The following BLM variants were observed in gnomAD, a reference collection of about 807,000 sequenced individuals.
BLM encodes the protein recQ-like DNA helicase BLM.
BLM carries 95 observed loss-of-function variants against 135.3 expected under a neutral mutation model. The ratio of observed to expected loss-of-function variants is 0.70; its 90% CI spans 0.59 to 0.83. BLM has a LOEUF of 0.83. Among genes scored for constraint, BLM ranks in the 40% least tolerant of loss-of-function variants. The pLI is 0.00. For missense variants in BLM, 1,518 were observed against 1,663.9 expected (o/e 0.91, Z 1.53); for synonymous variants, 520 against 589.2 (o/e 0.88, Z 1.70).
At chr15:90,795,706 G>T (rs28385109) in intron 16 of BLM, among the ~76,000 whole-genome samples, 26,080 of 152,100 alleles carry the variant, frequency 0.17, 2,294 homozygotes, top group Non-Finnish European at 0.19. Context: ...TAAACAAAAT[G>T]AAAATCCCTG....
chr15:90,796,525 T>G (rs1275664878), intron 16 of BLM, among the ~76,000 whole-genome samples: 1 of 152,242 alleles, frequency 6.6e-6, no homozygotes, highest in African/African-American at 2.4e-5. Context: ...TCTAGTCATC[T>G]TCCATGGCTG....
chr15:90,811,364 C>T lies in BLM; in HGVS notation c.4034C>T (p.Ser1345Phe). 1 of 1,614,106 alleles carries T rather than the reference C, an allele frequency of 6.2e-7. No homozygotes were observed. The highest frequency in any genetic ancestry group is 8.5e-7 in the Non-Finnish European group (1 of 1,180,046). The change falls in exon 21 of 22, where the codon TCT becomes TTT. Residue 1345 changes from serine to phenylalanine, a missense_variant. By Grantham distance (155) the Ser-to-Phe change is radical. Around this residue, in one of 5 missense-constraint regions of BLM, gnomAD observed 153 missense variants for 173.4 expected, o/e 0.88. Coordinates refer to ENST00000355112, the MANE Select transcript of BLM (RefSeq NM_000057.4). ...AAAAAGATGCCAGCCTCCCAAAGGT[C>T]TAAGAGGAGAAAAACTGCTTCCAGT... ...KRKKMPASQR[S>F]KRRKTASSGS...
intron 1 of BLM, among the ~76,000 whole-genome samples, chr15:90,732,075 C>A (rs1334146199): frequency 6.6e-6 from 1 of 152,098 alleles, no homozygotes; most frequent in African/African-American, 2.4e-5. Context: ...TAATTAGGGT[C>A]ATCCATTTTC....
intron 15 of BLM, among the ~76,000 whole-genome samples, chr15:90,793,552 T>A (rs969292737): frequency 6.6e-6 from 1 of 152,230 alleles, no homozygotes; most frequent in African/African-American, 2.4e-5. Flanking sequence ...ATTGATTTTC[T>A]TGAGATACTT....
chr15:90,811,161 C>G, intron 20 of BLM, 44 bp from the exon 21 acceptor site: 1 of 1,599,694 alleles, frequency 6.3e-7, no homozygotes, highest in Non-Finnish European at 8.6e-7. Context: ...AACACGTGGA[C>G]CAGTGCGACA....
At chr15:90,738,376 C>T (rs898660100) in intron 1 of BLM, among the ~76,000 whole-genome samples, 13 of 152,086 alleles carry the variant, frequency 8.5e-5, no homozygotes, top group African/African-American at 2.2e-4. Context: ...GAGTTGGAGA[C>T]CAGCCTAGGC....
chr15:90,784,858 G>T, intron 13 of BLM, 63 bp from the exon 14 acceptor site: 1 of 1,536,164 alleles, frequency 6.5e-7, no homozygotes, highest in Non-Finnish European at 9.0e-7. Flanking sequence ...AAAATGTAGT[G>T]TAAATTGTGT....
At chr15:90,761,485 C>G (rs945569165) in intron 7 of BLM, among the ~76,000 whole-genome samples, 11 of 152,264 alleles carry the variant, frequency 7.2e-5, no homozygotes, top group Middle Eastern at 3.4e-3. Flanking sequence ...TAGTACGGCT[C>G]TAAAGTCATT....
intron 1 of BLM, among the ~76,000 whole-genome samples, chr15:90,720,784 G>T (rs1894743795): frequency 6.6e-6 from 1 of 152,046 alleles, no homozygotes; most frequent in African/African-American, 2.4e-5. Context: ...TGTAGAGATA[G>T]GGTCTCGCCG....
intron 4 of BLM, among the ~76,000 whole-genome samples, chr15:90,752,831 T>A (rs1895723711): frequency 6.6e-6 from 1 of 152,160 alleles, no homozygotes; most frequent in South Asian, 2.1e-4. Context: ...AGCAAAAGTT[T>A]ATATAGAGTC....
intron 14 of BLM, among the ~76,000 whole-genome samples, chr15:90,789,770 G>A (rs1896849595): frequency 6.6e-6 from 1 of 152,040 alleles, no homozygotes; most frequent in Admixed American, 6.6e-5. Context: ...TCTTGCAGTA[G>A]CAATTCATTT....
Position 90,730,321 on chromosome 15 carries a change from A to G in BLM, c.-5+12881A>G, listed in dbSNP as rs1435769390. ...CTTCCAGTATATATCTGATAAAAGT[A>G]TTGATAGTGGGCATTCTGGAATTGT... On this transcript the variant is annotated intron_variant, in intron 1 of 21. Coordinates refer to ENST00000355112, the MANE Select transcript of BLM (RefSeq NM_000057.4). Among the ~76,000 whole-genome samples, 9 of 152,222 alleles carry G rather than the reference A, an allele frequency of 5.9e-5. 1 individual carries two copies. In the East Asian group the frequency reaches 7.7e-4, roughly 13 times the overall value.
intron 1 of BLM, among the ~76,000 whole-genome samples, chr15:90,720,962 G>A (rs1894749459): frequency 6.6e-6 from 1 of 152,170 alleles, no homozygotes; most frequent in Admixed American, 6.5e-5. Flanking sequence ...GGGAAGCCAA[G>A]GTTGGGGATT....
At chr15:90,772,836 G>A (rs1177794810) in intron 12 of BLM, among the ~76,000 whole-genome samples, 4 of 152,034 alleles carry the variant, frequency 2.6e-5, no homozygotes, top group African/African-American at 4.8e-5. Context: ...GGTGACTCAC[G>A]CCTGTAATCC....
At chr15:90,736,893 A>G (rs2151137183) in intron 1 of BLM, among the ~76,000 whole-genome samples, 1 of 152,370 alleles carries the variant, frequency 6.6e-6, no homozygotes, top group East Asian at 1.9e-4. Flanking sequence ...GATAACCCAC[A>G]GGAAGTAGAT....
chr15:90,739,071 G>A (rs1895295916), intron 1 of BLM, among the ~76,000 whole-genome samples: 1 of 152,176 alleles, frequency 6.6e-6, no homozygotes, highest in Non-Finnish European at 1.5e-5. Flanking sequence ...AATGTGGTAT[G>A]TATCTACAGT....
intron 6 of BLM, 48 bp downstream of exon 6, chr15:90,760,327 C>A (rs1242647271): frequency 6.2e-7 from 1 of 1,610,174 alleles, no homozygotes; most frequent in South Asian, 1.1e-5. Flanking sequence ...ATATTTCTAC[C>A]ACTCTAAGTG....
intron 13 of BLM, 25 bp from the exon 14 acceptor site, chr15:90,784,896 C>G (rs775877423): frequency 1.9e-6 from 3 of 1,608,464 alleles, no homozygotes; most frequent in Admixed American, 1.7e-5. Flanking sequence ...ATTCTTGTTT[C>G]TCAGTACTCT....
At chr15:90,768,211 G>A (rs1204549628) in intron 10 of BLM, among the ~76,000 whole-genome samples, 1 of 152,096 alleles carries the variant, frequency 6.6e-6, no homozygotes, top group African/African-American at 2.4e-5. Context: ...CCAAAGTGCT[G>A]GGATTACAAG....
Sources: allele counts gnomAD v4.1 joint callset (sites outside exome capture counted in the v4.1 genomes callset), GRCh38; gene constraint gnomAD v4.1.1; regional missense constraint gnomAD v4.1.1; transcripts MANE v1.5; gene names NCBI Gene and HGNC (gene_info 2026-07-23, HGNC 2026-07-21).